PKN2: variants seen among roughly 807,000 people sequenced by gnomAD.
PKN2 encodes the protein serine/threonine-protein kinase N2.
A neutral mutation model predicts 119.1 loss-of-function variants in PKN2; 38 were observed. The observed-to-expected ratio is 0.32, with a 90% CI of 0.25 to 0.42. PKN2 has a LOEUF of 0.42. Among genes scored for constraint, PKN2 ranks in the 10% least tolerant of loss-of-function variants. PKN2 has a pLI of 1.00. For missense variants in PKN2, 850 were observed against 1,165.1 expected (o/e 0.73, Z 3.94); for synonymous variants, 390 against 384.9 (o/e 1.01, Z -0.15).
At chr1:88,757,982 A>G (rs561470143) in intron 2 of PKN2, among the ~76,000 whole-genome samples, 1 of 143,494 alleles carries the variant, frequency 7.0e-6, no homozygotes, top group East Asian at 2.1e-4. Flanking sequence ...CGGAGGTTGC[A>G]GTGAGCCGAA....
At chr1:88,694,049 G>A (rs1040203318) in intron 1 of PKN2, among the ~76,000 whole-genome samples, 9 of 152,170 alleles carry the variant, frequency 5.9e-5, no homozygotes, top group Non-Finnish European at 1.0e-4. Context: ...AAATAACTGC[G>A]TCCCTACATA....
chr1:88,684,552 T>C lies in PKN2; in HGVS notation c.-29T>C, dbSNP rs781240896. ...TCTCCCTTCGCCAGAGGCGGCCGCG[T>C]CCAGGTGCGGAGTCCATACCGGAGC... is the stretch of plus-strand genomic sequence containing the variant. On this transcript the variant is annotated 5_prime_UTR_variant, in exon 1 of 22. Transcript: ENST00000370521. 2.0e-6 allele frequency: 3 copies of C among 1,523,814 alleles called. No individual in the cohort carries two copies. Among genetic ancestry groups the C allele is most frequent in the South Asian group, 2.4e-5 (2 of 83,710 alleles). 94.4% of individuals were successfully genotyped at this position (1,523,814 alleles called of 1,614,324 possible). A position where few individuals can be genotyped will look rare whatever the true frequency, so the allele number is the denominator to read the frequency against.
At chr1:88,820,180 C>CTATATATATATATATA (rs397980752) in intron 16 of PKN2, among the ~76,000 whole-genome samples, 10 of 70,724 alleles carry the variant, frequency 1.4e-4, no homozygotes, top group East Asian at 9.7e-4. Flanking sequence ...TTTCAGAAAC[C>CTATATATATATATATA]TATATATATA....
In PKN2 at chr1:88,812,984, T is replaced by C. The variant is rs139089505; in HGVS notation, c.2103-573T>C. Reference sequence around the variant, plus strand: ...AAAAACTGTTAACTTTTTAATCTTCTATGAGTTTATTTATAATAGTGCCTT... The same window carrying C: ...AAAAACTGTTAACTTTTTAATCTTCCATGAGTTTATTTATAATAGTGCCTT... On this transcript the variant is annotated intron_variant, in intron 15 of 21. Transcript: ENST00000370521. 7.8e-3 allele frequency among the ~76,000 whole-genome samples: 1,182 copies of C among 152,284 alleles called. 18 individuals carry two copies. The highest frequency in any genetic ancestry group is 0.027 in the African/African-American group (1,128 of 41,544).
intron 1 of PKN2, among the ~76,000 whole-genome samples, chr1:88,721,114 T>C (rs969363907): frequency 6.6e-6 from 1 of 151,192 alleles, no homozygotes; most frequent in African/African-American, 2.4e-5. Context: ...ATATAATGAC[T>C]TTTTTTTTCG....
chr1:88,801,792 C>T lies in PKN2; in HGVS notation c.1282-2599C>T, dbSNP rs141916833. Among the ~76,000 whole-genome samples the T allele has an allele frequency of 2.1e-4, 32 of 152,310 alleles. 2 individuals are homozygous for T. The South Asian group carries it at 5.6e-3, about 27-fold the overall frequency. ...GTGCCCCTCGCAAATGGAACAATCG[C>T]GAGAGCACACCTGAACAAAGGAAAA... On this transcript the variant is annotated intron_variant, in intron 8 of 21. Transcript: ENST00000370521.
At position 88,783,949 on chromosome 1, in the gene PKN2, C is replaced by T. The variant is rs191783923; in HGVS notation, c.986-690C>T. Among the ~76,000 whole-genome samples the T allele has an allele frequency of 5.1e-3, 771 of 152,084 alleles. 2 individuals carry two copies. Among genetic ancestry groups the T allele is most frequent in the African/African-American group, 0.017 (724 of 41,422 alleles). ...GTAAAGTTCTTTTCTGTGTTAACTA[C>T]GTAACTATTAAACATAGTTGGTATT... is the stretch of plus-strand genomic sequence containing the variant. On this transcript the variant is annotated intron_variant, in intron 6 of 21. Coordinates refer to ENST00000370521, the MANE Select transcript of PKN2 (RefSeq NM_006256.4).
intron 2 of PKN2, among the ~76,000 whole-genome samples, chr1:88,747,192 A>G (rs888341365): frequency 1.8e-4 from 27 of 152,156 alleles, no homozygotes; most frequent in Middle Eastern, 3.2e-3. Context: ...CTGTTGATCT[A>G]TTACACAGCA....
chr1:88,792,807 T>C (rs1670901057), intron 8 of PKN2, among the ~76,000 whole-genome samples: 1 of 152,210 alleles, frequency 6.6e-6, no homozygotes, highest in Admixed American at 6.5e-5. Context: ...ATCAAGCAGT[T>C]CAACTTGTTC....
chr1:88,739,818 CTGTACTG>C (rs1378101261), intron 1 of PKN2, among the ~76,000 whole-genome samples: 6 of 152,102 alleles, frequency 3.9e-5, no homozygotes, highest in Non-Finnish European at 7.4e-5. Context: ...TTTAAGGTGA[CTGTACTG>C]TGTATTGTCT....
At chr1:88,800,268 ATT>A (rs1671251510) in intron 8 of PKN2, among the ~76,000 whole-genome samples, 1 of 152,212 alleles carries the variant, frequency 6.6e-6, no homozygotes, top group Admixed American at 6.5e-5. Flanking sequence ...ACTAGTTAGT[ATT>A]TTAAGTCTTA....
At chr1:88,685,768 A>T (rs202245328) in intron 1 of PKN2, among the ~76,000 whole-genome samples, 265 of 151,878 alleles carry the variant, frequency 1.7e-3, no homozygotes, top group East Asian at 3.1e-3. Context: ...AATTTTTTTT[A>T]AAAAAAAGAC....
At chr1:88,741,328 A>G (rs1668570971) in intron 2 of PKN2, 40 bp downstream of exon 2, 1 of 1,244,936 alleles carries the variant, frequency 8.0e-7, no homozygotes, top group Non-Finnish European at 1.1e-6. Flanking sequence ...TGGTATATTA[A>G]TAAAAAAAAT....
intron 16 of PKN2, among the ~76,000 whole-genome samples, 162 bp downstream of exon 16, chr1:88,813,895 T>C (rs755463826): frequency 7.2e-5 from 11 of 152,216 alleles, no homozygotes; most frequent in Non-Finnish European, 1.5e-4. Context: ...ATACTTTTTG[T>C]ATGTATTCTG....
intron 2 of PKN2, among the ~76,000 whole-genome samples, chr1:88,746,122 TCTTAC>T (rs1668760916): frequency 6.6e-6 from 1 of 152,144 alleles, no homozygotes; most frequent in Admixed American, 6.6e-5. Context: ...TATACCTTTA[TCTTAC>T]CTTATACGTT....
intron 3 of PKN2, among the ~76,000 whole-genome samples, chr1:88,761,775 TTATGA>T (rs1371836308): frequency 6.6e-6 from 1 of 152,216 alleles, no homozygotes; most frequent in Non-Finnish European, 1.5e-5. Context: ...TCCTATTTAC[TTATGA>T]TGTGATATTT....
Position 88,834,282 on chromosome 1 carries a change from A to G in PKN2, c.*834A>G, listed in dbSNP as rs923813206. 6 of 152,236 alleles carry G rather than the reference A, an allele frequency of 3.9e-5. No individual in the cohort carries two copies. Among genetic ancestry groups the G allele is most frequent in the Non-Finnish European group, 2.9e-5 (2 of 67,928 alleles). The allele number at this position is 152,236 out of a possible 1,614,324, so 9.4% of individuals were successfully genotyped here. ...CAGTCATATCTTTCAGAATCAGTGA[A>G]CCGATTACCCTTTTTTTGGTATTCA... On this transcript the variant is annotated 3_prime_UTR_variant, in exon 22 of 22. Coordinates refer to ENST00000370521, the MANE Select transcript of PKN2 (RefSeq NM_006256.4).
At chr1:88,697,085 T>C (rs1192243418) in intron 1 of PKN2, among the ~76,000 whole-genome samples, 2 of 152,172 alleles carry the variant, frequency 1.3e-5, no homozygotes, top group Non-Finnish European at 2.9e-5. Context: ...ACTTAAGATA[T>C]ATTTTTGATT....
At chr1:88,822,990 G>A (rs1188006112) in intron 17 of PKN2, among the ~76,000 whole-genome samples, 1 of 152,118 alleles carries the variant, frequency 6.6e-6, no homozygotes, top group Non-Finnish European at 1.5e-5. Context: ...AGGCCAAGGT[G>A]GGAGGATTGC....
Sources: gnomAD v4.1 joint callset for allele counts (sites outside exome capture counted in the v4.1 genomes callset) on GRCh38, gnomAD v4.1.1 for gene constraint, MANE v1.5 for transcripts, NCBI Gene and HGNC (gene_info 2026-07-23, HGNC 2026-07-21) for gene names.